TAFA1: variants seen among roughly 807,000 people sequenced by gnomAD.
TAFA1 encodes TAFA chemokine like family member 1.
TAFA1 carries 4 observed loss-of-function variants against 18.5 expected under a neutral mutation model. The observed-to-expected ratio is 0.22, with a 90% CI of 0.11 to 0.49. The LOEUF (loss-of-function observed/expected upper bound fraction) is 0.49, where lower values mean the gene tolerates loss of function less well. Among genes scored for constraint, TAFA1 ranks in the 20% least tolerant of loss-of-function variants. The pLI is 0.98. For missense variants in TAFA1, 147 were observed against 169.0 expected, an observed-to-expected ratio of 0.87 and a Z score of 0.72; for synonymous variants, 56 against 55.2, an observed-to-expected ratio of 1.01 and a Z score of -0.06.
At chr3:68,255,783 G>C (rs1410900560) in intron 2 of TAFA1, among the ~76,000 whole-genome samples, 2 of 152,070 alleles carry the variant, frequency 1.3e-5, no homozygotes, top group Non-Finnish European at 2.9e-5. Flanking sequence ...AGTGTCCAAA[G>C]TGGGGATGGT....
At chr3:68,413,397 T>C (rs2070753509) in intron 2 of TAFA1, among the ~76,000 whole-genome samples, 1 of 152,186 alleles carries the variant, frequency 6.6e-6, no homozygotes, top group Admixed American at 6.5e-5. Flanking sequence ...ATTTGTGATG[T>C]GTTTATTATG....
chr3:68,076,281 CT>C (rs57929396), intron 2 of TAFA1, among the ~76,000 whole-genome samples: 84 of 147,398 alleles, frequency 5.7e-4, no homozygotes, highest in East Asian at 3.8e-3. Flanking sequence ...GTTCCTACTT[CT>C]TTTTTTTTTT....
intron 3 of TAFA1, among the ~76,000 whole-genome samples, chr3:68,424,275 G>A (rs1429702546): frequency 2.0e-5 from 3 of 151,872 alleles, no homozygotes; most frequent in Non-Finnish European, 2.9e-5. Context: ...AGATGAGACA[G>A]ACCAGACAGT....
chr3:68,280,719 G>A lies in TAFA1; in HGVS notation c.119-136561G>A, dbSNP rs545671162. ...TCATGGATCTAAAAATTTGGGTCAC[G>A]GGACTTCAGGGATTGGAGAGAATTG... On this transcript the variant is annotated intron_variant, in intron 2 of 4. Transcript: ENST00000478136. Among the ~76,000 whole-genome samples the A allele has an allele frequency of 5.9e-5, 9 of 152,130 alleles. No homozygotes were observed. The East Asian group carries it at 9.6e-4, about 16-fold the overall frequency.
At chr3:68,501,618 A>G (rs545758684) in intron 3 of TAFA1, among the ~76,000 whole-genome samples, 10 of 152,314 alleles carry the variant, frequency 6.6e-5, no homozygotes, top group African/African-American at 2.2e-4. Context: ...CGGGAACCAC[A>G]AGAGTGATGA....
At chr3:68,405,540 A>G (rs2070584701) in intron 2 of TAFA1, among the ~76,000 whole-genome samples, 1 of 151,134 alleles carries the variant, frequency 6.6e-6, no homozygotes, top group East Asian at 2.0e-4. Context: ...ACAAAAATAC[A>G]AATCAAAACA....
chr3:68,053,535 A>G (rs1279642530), intron 2 of TAFA1, among the ~76,000 whole-genome samples: 3 of 151,902 alleles, frequency 2.0e-5, no homozygotes, highest in Non-Finnish European at 2.9e-5. Context: ...TAATGTATCT[A>G]TTTACTTTTA....
chr3:68,225,854 C>T (rs916463690), intron 2 of TAFA1, among the ~76,000 whole-genome samples: 2 of 150,618 alleles, frequency 1.3e-5, no homozygotes, highest in African/African-American at 4.9e-5. Context: ...GAAGCAATAA[C>T]AATATCTCTA....
chr3:68,483,384 T>G (rs759079591), intron 3 of TAFA1, among the ~76,000 whole-genome samples: 2 of 152,236 alleles, frequency 1.3e-5, no homozygotes, highest in African/African-American at 2.4e-5. Context: ...TATATAATGC[T>G]TCATGGATTA....
At chr3:68,226,349 C>T (rs988182748) in intron 2 of TAFA1, among the ~76,000 whole-genome samples, 1 of 152,144 alleles carries the variant, frequency 6.6e-6, no homozygotes, top group African/African-American at 2.4e-5. Context: ...GGTTTTCCAC[C>T]ACTGTGCTTC....
chr3:68,249,282 C>T (rs1272384317), intron 2 of TAFA1, among the ~76,000 whole-genome samples: 1 of 152,144 alleles, frequency 6.6e-6, no homozygotes, highest in Non-Finnish European at 1.5e-5. Flanking sequence ...CCCATGTTGC[C>T]CTCACTACCG....
chr3:68,252,476 C>A (rs566840104), intron 2 of TAFA1, among the ~76,000 whole-genome samples: 1 of 152,238 alleles, frequency 6.6e-6, no homozygotes, highest in African/African-American at 2.4e-5. Flanking sequence ...GCCCATGGTC[C>A]CACAAAGCTG....
At chr3:68,537,687 G>A (rs142979600) in intron 3 of TAFA1, among the ~76,000 whole-genome samples, 1 of 152,232 alleles carries the variant, frequency 6.6e-6, no homozygotes, top group African/African-American at 2.4e-5. Flanking sequence ...GACTACTTCT[G>A]TTTGCTGACT....
chr3:68,322,392 C>T (rs72626974), intron 2 of TAFA1, among the ~76,000 whole-genome samples: 3,708 of 152,312 alleles, frequency 0.024, 70 homozygotes, highest in East Asian at 0.098. Context: ...AAGACACATA[C>T]TTCACTCAAG....
intron 2 of TAFA1, among the ~76,000 whole-genome samples, chr3:68,083,871 C>G (rs892809762): frequency 1.3e-5 from 2 of 152,098 alleles, no homozygotes; most frequent in African/African-American, 4.8e-5. Context: ...CTCCACATAT[C>G]TTGTTAGTGT....
At chr3:68,363,077 C>A (rs1331368007) in intron 2 of TAFA1, among the ~76,000 whole-genome samples, 1 of 144,160 alleles carries the variant, frequency 6.9e-6, no homozygotes, top group Non-Finnish European at 1.5e-5. Context: ...TGCCAATTAC[C>A]TACTGGGGAA....
chr3:68,520,011 A>G (rs1362225492), intron 3 of TAFA1, among the ~76,000 whole-genome samples: 4 of 152,224 alleles, frequency 2.6e-5, no homozygotes, highest in African/African-American at 9.6e-5. Context: ...TCCTTCTTGT[A>G]GGAAGGGGAT....
chr3:68,254,217 C>T (rs1267325198), intron 2 of TAFA1, among the ~76,000 whole-genome samples: 2 of 150,560 alleles, frequency 1.3e-5, no homozygotes, highest in East Asian at 2.0e-4. Context: ...AATGAGTATA[C>T]TTCCTACTGG....
intron 2 of TAFA1, among the ~76,000 whole-genome samples, chr3:68,384,546 C>T (rs937208706): frequency 1.3e-5 from 2 of 151,988 alleles, no homozygotes; most frequent in Non-Finnish European, 2.9e-5. Flanking sequence ...ATTGTGGTTT[C>T]AGTTCTTTTG....
Sources: gnomAD v4.1 joint callset for allele counts (sites outside exome capture counted in the v4.1 genomes callset) on GRCh38, gnomAD v4.1.1 for gene constraint, MANE v1.5 for transcripts, NCBI Gene and HGNC (gene_info 2026-07-23, HGNC 2026-07-21) for gene names.